Variants in MLXIP observed in about 807,000 individuals in gnomAD.
MLXIP encodes the protein MLX interacting protein, also known as MLX-interacting protein.
Under a neutral mutation model 87.2 loss-of-function variants are expected in MLXIP, and 30 were observed. That is an observed-to-expected ratio of 0.34 (90% CI 0.26 to 0.47). The LOEUF (loss-of-function observed/expected upper bound fraction) is 0.47, where lower values mean the gene tolerates loss of function less well. Ranked by LOEUF, MLXIP falls within the 20% of genes least tolerant of loss-of-function variation. The pLI is 1.00. For synonymous variants in MLXIP, 530 were observed against 514.0 expected (o/e 1.03, Z -0.42); for missense variants, 1,002 against 1,240.1 (o/e 0.81, Z 2.88).
chr12:122,141,453 A>G (rs1011606343), intron 16 of MLXIP, among the ~76,000 whole-genome samples: 6 of 152,190 alleles, frequency 3.9e-5, no homozygotes, highest in Non-Finnish European at 8.8e-5. Flanking sequence ...CCATGGCACC[A>G]GGAACAGCAT....
chr12:122,121,964 G>A (rs762194999), intron 1 of MLXIP, among the ~76,000 whole-genome samples: 5 of 152,178 alleles, frequency 3.3e-5, no homozygotes, highest in Admixed American at 1.3e-4. Context: ...CACCTCCCAC[G>A]TGCCAGGCCC....
At chr12:122,115,072 A>G (rs752416442) in intron 1 of MLXIP, among the ~76,000 whole-genome samples, 9 of 151,826 alleles carry the variant, frequency 5.9e-5, no homozygotes, top group Non-Finnish European at 1.0e-4. Flanking sequence ...TTGCTACACA[A>G]TATTATCACC....
chr12:122,112,796 A>G (rs1952625016), intron 1 of MLXIP, among the ~76,000 whole-genome samples: 1 of 152,218 alleles, frequency 6.6e-6, no homozygotes, highest in African/African-American at 2.4e-5. Context: ...ATCTTACCTA[A>G]AGCAGGATCC....
At chr12:122,134,224 A>G in intron 9 of MLXIP, 1 of 549,862 alleles carries the variant, frequency 1.8e-6, no homozygotes, top group Non-Finnish European at 3.0e-6. Context: ...TTTTTGAGAC[A>G]GTCTCTGTTG....
intron 1 of MLXIP, among the ~76,000 whole-genome samples, chr12:122,115,163 A>G (rs1436044949): frequency 6.6e-6 from 1 of 151,984 alleles, no homozygotes; most frequent in African/African-American, 2.4e-5. Context: ...TTTTGTTTGA[A>G]TTTTCTTTTA....
Position 122,129,566 on chromosome 12 carries a change from T to C in MLXIP, c.697-22T>C, listed in dbSNP as rs374256006. ...CTCCTAGGGCCATTGGTGACCGCCGTGTCCTGTCCCTTTGCCCACAGCTAC... is the reference window on the plus strand; with the variant it reads ...CTCCTAGGGCCATTGGTGACCGCCGCGTCCTGTCCCTTTGCCCACAGCTAC... On this transcript the variant is annotated intron_variant, in intron 4 of 16. Coordinates refer to ENST00000319080, the MANE Select transcript of MLXIP (RefSeq NM_014938.6). 4.3e-6 allele frequency: 7 copies of C among 1,612,912 alleles called. No individual in the cohort carries two copies. In the African/African-American group the frequency reaches 8.0e-5, roughly 18 times the overall value.
chr12:122,088,305 A>G (rs141194496), intron 1 of MLXIP, among the ~76,000 whole-genome samples: 1 of 152,240 alleles, frequency 6.6e-6, no homozygotes, highest in East Asian at 1.9e-4. Context: ...TGCTGGAGAA[A>G]TACTGTCTGC....
chr12:122,124,027 G>A (rs893150386), intron 1 of MLXIP, among the ~76,000 whole-genome samples: 1 of 152,112 alleles, frequency 6.6e-6, no homozygotes, highest in Non-Finnish European at 1.5e-5. Flanking sequence ...TCCCCTCACT[G>A]CTCTGGTCAG....
intron 1 of MLXIP, among the ~76,000 whole-genome samples, chr12:122,118,352 C>A (rs28430881): frequency 0.43 from 65,777 of 152,014 alleles, 14,573 homozygotes; most frequent in Middle Eastern, 0.62. Context: ...GGAGGAATGC[C>A]GTACATTCCA....
chr12:122,127,844 C>A (rs780339546), intron 2 of MLXIP, 39 bp from the exon 3 acceptor site: 1 of 1,578,006 alleles, frequency 6.3e-7, no homozygotes, highest in Non-Finnish European at 8.7e-7. Flanking sequence ...CCTCAGGGGT[C>A]TGGATCATGG....
At chr12:122,139,076 C>A in intron 15 of MLXIP, 138 bp downstream of exon 15, 1 of 1,350,994 alleles carries the variant, frequency 7.4e-7, no homozygotes, top group Non-Finnish European at 1.0e-6. Flanking sequence ...GTGCTAGTGT[C>A]TATCTCGGGA....
At chr12:122,132,624 A>T in intron 8 of MLXIP, 1 of 506,828 alleles carries the variant, frequency 2.0e-6, no homozygotes, top group East Asian at 3.3e-5. Flanking sequence ...GTGCCAGGTA[A>T]CCTATGTGCA....
chr12:122,121,374 G>A (rs569665403), intron 1 of MLXIP, among the ~76,000 whole-genome samples: 3 of 144,498 alleles, frequency 2.1e-5, no homozygotes, highest in East Asian at 4.2e-4. Flanking sequence ...GGAGTGCAGC[G>A]GCGAGGTCTC....
intron 1 of MLXIP, among the ~76,000 whole-genome samples, chr12:122,108,976 AT>A (rs1952562484): frequency 6.6e-6 from 1 of 152,090 alleles, no homozygotes; most frequent in Non-Finnish European, 1.5e-5. Flanking sequence ...AAAAAATATA[AT>A]TTCCTTTTTA....
rs3066166 is a variant in MLXIP at position 122,146,642 on chromosome 12, ACG to A, written c.*4837_*4838del. 0.25 allele frequency: 38,030 copies of A among 149,398 alleles called. 5,112 individuals are homozygous for A. The highest frequency in any genetic ancestry group is 0.34 in the Admixed American group (5,060 of 15,050). 9.3% of individuals were successfully genotyped at this position (149,398 alleles called of 1,614,324 possible). A position where few individuals can be genotyped will look rare whatever the true frequency, so the allele number is the denominator to read the frequency against. On this transcript the variant is annotated 3_prime_UTR_variant, in exon 17 of 17. Transcript: ENST00000319080. ...TATGCGTGTGTGTGTGTGTGTGTGC[ACG>A]CGCGCGTGTGCGTGTTGACTTCATG...
intron 1 of MLXIP, among the ~76,000 whole-genome samples, chr12:122,105,950 CACTT>C (rs1432570947): frequency 6.6e-6 from 1 of 152,188 alleles, no homozygotes; most frequent in Admixed American, 6.5e-5. Context: ...TATAGGTTCA[CACTT>C]AAGTGTGAGA....
intron 1 of MLXIP, among the ~76,000 whole-genome samples, chr12:122,107,122 A>G (rs1952533321): frequency 6.6e-6 from 1 of 152,080 alleles, no homozygotes; most frequent in African/African-American, 2.4e-5. Flanking sequence ...ACTAAGAGGC[A>G]CTTGATAAGG....
rs1953077890 is a variant in MLXIP, at chr12:122,135,678, C to T, written c.2032+12C>T. 2.7e-6 allele frequency: 4 copies of T among 1,477,918 alleles called. No individual in the cohort carries two copies. The highest frequency in any genetic ancestry group is 1.8e-6 in the Non-Finnish European group (2 of 1,114,524). 91.6% of individuals were successfully genotyped at this position (1,477,918 alleles called of 1,614,324 possible). On this transcript the variant is annotated intron_variant, in intron 11 of 16. Transcript: ENST00000319080. The surrounding 1 kb of genome is among the most constrained non-coding windows in gnomAD (Gnocchi z 5.3). Reference sequence around the variant, plus strand: ...TGTCACAGGGCCCAGTGAGTGTTCACTCGGCGGGATGGTTGGGGCATCGCA... The same window carrying T: ...TGTCACAGGGCCCAGTGAGTGTTCATTCGGCGGGATGGTTGGGGCATCGCA...
intron 14 of MLXIP, 121 bp from the exon 15 acceptor site, chr12:122,138,694 C>A: frequency 6.7e-7 from 1 of 1,499,814 alleles, no homozygotes; most frequent in Non-Finnish European, 8.9e-7. Context: ...CCTCCTTCCA[C>A]AGACCTCTCT....
Sources: gnomAD v4.1 joint callset for allele counts (sites outside exome capture counted in the v4.1 genomes callset) on GRCh38, gnomAD v4.1.1 for gene constraint, Gnocchi (gnomAD v3.1) non-coding constraint, MANE v1.5 for transcripts, NCBI Gene and HGNC (gene_info 2026-07-23, HGNC 2026-07-21) for gene names.